The following LDLRAD3 variants were observed in gnomAD, a reference collection of about 807,000 sequenced individuals.
LDLRAD3 encodes the protein low density lipoprotein receptor class A domain containing 3, also known as low-density lipoprotein receptor class A domain-containing protein 3.
In LDLRAD3, 20 loss-of-function variants were observed where a neutral mutation model predicts 29.4. The observed-to-expected ratio is 0.68, with a 90% CI of 0.48 to 0.99. The LOEUF (loss-of-function observed/expected upper bound fraction) is 0.99. Ranked by LOEUF, LDLRAD3 falls within the 50% of genes least tolerant of loss-of-function variation. The pLI, the probability that LDLRAD3 is intolerant of heterozygous loss-of-function variation, is 0.00. For missense variants in LDLRAD3, 420 were observed against 454.3 expected (o/e 0.92, Z 0.69); for synonymous variants, 157 against 192.7 (o/e 0.81, Z 1.53).
chr11:36,190,403 G>A (rs1590342916), intron 4 of LDLRAD3, among the ~76,000 whole-genome samples: 2 of 152,170 alleles, frequency 1.3e-5, no homozygotes, highest in East Asian at 3.9e-4. Context: ...AGTTGGCTGA[G>A]GTGGGAGGAT....
chr11:36,152,309 T>C (rs563619595), intron 4 of LDLRAD3, among the ~76,000 whole-genome samples: 11 of 152,342 alleles, frequency 7.2e-5, no homozygotes, highest in African/African-American at 2.6e-4. Context: ...CCAGATGCTA[T>C]CAGAGACAGA....
chr11:36,093,077 T>C (rs927656780), intron 3 of LDLRAD3, among the ~76,000 whole-genome samples: 1 of 152,198 alleles, frequency 6.6e-6, no homozygotes, highest in African/African-American at 2.4e-5. Flanking sequence ...GTGTGAAAGA[T>C]ACTAAATATT....
intron 1 of LDLRAD3, chr11:35,967,936 G>T: frequency 2.5e-6 from 1 of 392,988 alleles, no homozygotes; most frequent in Non-Finnish European, 4.9e-6. Context: ...TTCACGCAAA[G>T]CCAAATTCTC....
At chr11:36,030,236 C>T (rs1852218989) in intron 1 of LDLRAD3, among the ~76,000 whole-genome samples, 1 of 152,178 alleles carries the variant, frequency 6.6e-6, no homozygotes, top group Admixed American at 6.5e-5. Flanking sequence ...GAGTGCTCCT[C>T]ATAGTCAGGC....
chr11:36,181,820 T>C lies in LDLRAD3; in HGVS notation c.455-45265T>C, dbSNP rs115707173. On this transcript the variant is annotated intron_variant, in intron 4 of 5. Transcript: ENST00000315571. ...GAAAATGTAAGTGTCATTAAATTGT[T>C]AGTTAGAAGGCCCTGAGTGGGGATG... Among the ~76,000 whole-genome samples the C allele has an allele frequency of 3.2e-3, 487 of 152,322 alleles. 2 individuals carry two copies. The highest frequency in any genetic ancestry group is 0.011 in the African/African-American group (471 of 41,556).
chr11:36,081,144 G>A (rs901334322), intron 2 of LDLRAD3, among the ~76,000 whole-genome samples: 2 of 152,182 alleles, frequency 1.3e-5, no homozygotes, highest in Admixed American at 6.5e-5. Context: ...CTTTGTAAGC[G>A]TAGCAGTTGC....
intron 1 of LDLRAD3, among the ~76,000 whole-genome samples, chr11:36,028,687 C>T (rs544741039): frequency 4.6e-4 from 70 of 152,108 alleles, no homozygotes; most frequent in African/African-American, 1.7e-3. Context: ...TCTTAGTAGA[C>T]CTATATTACA....
At chr11:36,056,108 G>A (rs1177593990) in intron 2 of LDLRAD3, among the ~76,000 whole-genome samples, 1 of 148,248 alleles carries the variant, frequency 6.7e-6, no homozygotes, top group Admixed American at 6.9e-5. Flanking sequence ...CAATTCTCCT[G>A]CCTCAGCCTC....
rs939145716 is a variant in LDLRAD3, at chr11:35,994,290, T to C, written c.47-41813T>C. On this transcript the variant is annotated intron_variant, in intron 1 of 5. Transcript: ENST00000315571. Reference sequence around the variant, plus strand: ...AGGCAGAGCTTGCAGTGAGCCGAGATAGTGCCACTGCACTCCAGCCTGGGG... The same window carrying C: ...AGGCAGAGCTTGCAGTGAGCCGAGACAGTGCCACTGCACTCCAGCCTGGGG... Among the ~76,000 whole-genome samples, 6 of 125,038 alleles carry C rather than the reference T, an allele frequency of 4.8e-5. No homozygotes were observed. In the South Asian group the frequency reaches 1.2e-3, roughly 25 times the overall value. 82.0% of individuals were successfully genotyped at this position (125,038 alleles called of 152,430 possible).
At chr11:36,215,834 C>T (rs1261713909) in intron 4 of LDLRAD3, among the ~76,000 whole-genome samples, 2 of 152,170 alleles carry the variant, frequency 1.3e-5, no homozygotes, top group African/African-American at 2.4e-5. Context: ...TGTGCACACT[C>T]AGCATTTCCC....
chr11:36,101,219 C>G (rs1853442192), intron 4 of LDLRAD3, among the ~76,000 whole-genome samples: 2 of 152,186 alleles, frequency 1.3e-5, no homozygotes, highest in Admixed American at 6.5e-5. Flanking sequence ...AGCCACCCCA[C>G]AAGGTGCCCA....
At chr11:36,152,529 G>C (rs74590451) in intron 4 of LDLRAD3, among the ~76,000 whole-genome samples, 1 of 151,930 alleles carries the variant, frequency 6.6e-6, no homozygotes, top group African/African-American at 2.4e-5. Flanking sequence ...GCCCCTACCC[G>C]TGTCCCTATT....
intron 1 of LDLRAD3, among the ~76,000 whole-genome samples, chr11:35,971,025 G>A (rs1418728220): frequency 6.6e-6 from 1 of 152,184 alleles, no homozygotes; most frequent in East Asian, 1.9e-4. Context: ...GGTCATCAAG[G>A]ACCCAGCCCA....
chr11:36,055,903 G>A (rs182393933), intron 2 of LDLRAD3, among the ~76,000 whole-genome samples: 1 of 145,782 alleles, frequency 6.9e-6, no homozygotes, highest in African/African-American at 2.5e-5. Flanking sequence ...ATGTAGGAAT[G>A]AGTTTGGGTA....
rs375241873 is a variant in LDLRAD3 at position 36,134,326 on chromosome 11, GTATTAATAAGCACTAATGA to G, written c.454+35880_454+35898del. On this transcript the variant is annotated intron_variant, in intron 4 of 5. Coordinates refer to ENST00000315571, the MANE Select transcript of LDLRAD3 (RefSeq NM_174902.4). ...AATATGCAGTGTCTGTTGTCATTAG[GTATTAATAAGCACTAATGA>G]TATTAATAAGCACTTTTATCAGTTC... 3.3e-5 allele frequency among the ~76,000 whole-genome samples: 5 copies of G among 152,272 alleles called. No individual in the cohort carries two copies. The East Asian group carries it at 5.8e-4, about 18-fold the overall frequency.
intron 4 of LDLRAD3, among the ~76,000 whole-genome samples, chr11:36,201,402 GA>G (rs1382927072): frequency 1.3e-5 from 2 of 152,218 alleles, no homozygotes; most frequent in Non-Finnish European, 2.9e-5. Context: ...TTGTAAGTCT[GA>G]AAAACCAGAT....
intron 1 of LDLRAD3, among the ~76,000 whole-genome samples, chr11:35,995,677 T>C (rs961897704): frequency 2.0e-5 from 3 of 152,246 alleles, no homozygotes; most frequent in Non-Finnish European, 2.9e-5. Flanking sequence ...TCCATCTACA[T>C]TGAAAATCTG....
At chr11:36,168,493 T>G (rs1478791560) in intron 4 of LDLRAD3, among the ~76,000 whole-genome samples, 4 of 111,652 alleles carry the variant, frequency 3.6e-5, no homozygotes, top group African/African-American at 1.2e-4. Flanking sequence ...GTTTTTTTCT[T>G]TCTTCTTTTT....
At chr11:35,954,304 A>G (rs1055040815) in intron 1 of LDLRAD3, among the ~76,000 whole-genome samples, 2 of 152,234 alleles carry the variant, frequency 1.3e-5, no homozygotes, top group African/African-American at 4.8e-5. Flanking sequence ...GGGCAACGTC[A>G]ACATCTTTTA....
Sources: gnomAD v4.1 joint callset for allele counts (sites outside exome capture counted in the v4.1 genomes callset) on GRCh38, gnomAD v4.1.1 for gene constraint, MANE v1.5 for transcripts, NCBI Gene and HGNC (gene_info 2026-07-23, HGNC 2026-07-21) for gene names.